The following ERCC6L2 variants were observed in gnomAD, a reference collection of about 807,000 sequenced individuals.
ERCC6L2 encodes DNA excision repair protein ERCC-6-like 2.
ERCC6L2 carries 77 observed loss-of-function variants against 132.0 expected under a neutral mutation model. The ratio of observed to expected loss-of-function variants is 0.58; its 90% CI spans 0.49 to 0.71. The LOEUF (loss-of-function observed/expected upper bound fraction) is 0.71. Ranked by LOEUF, ERCC6L2 falls within the 30% of genes least tolerant of loss-of-function variation. The pLI is 0.00. For missense variants in ERCC6L2, 1,542 were observed against 1,837.6 expected, an observed-to-expected ratio of 0.84 and a Z score of 2.94; for synonymous variants, 583 against 632.4, an observed-to-expected ratio of 0.92 and a Z score of 1.17.
intron 2 of ERCC6L2, among the ~76,000 whole-genome samples, chr9:95,893,421 T>C (rs115330473): frequency 8.8e-4 from 134 of 152,322 alleles, no homozygotes; most frequent in Middle Eastern, 3.4e-3. Flanking sequence ...TCCTGTATTA[T>C]AATGTTCTTG....
chr9:96,004,495 C>A, intron 17 of ERCC6L2, 25 bp from the exon 18 acceptor site: 1 of 1,269,278 alleles, frequency 7.9e-7, no homozygotes, highest in Non-Finnish European at 1.0e-6. Context: ...TCAGACATAG[C>A]TTTTGTTTCC....
At position 95,897,977 on chromosome 9, in the gene ERCC6L2, A is replaced by C; in HGVS notation, c.594+6A>C. ...TTTCTTCTACAGCAAAAAAGGTAAAATCTCTAGACAATGTATATTCTACTC... is the reference window on the plus strand; with the variant it reads ...TTTCTTCTACAGCAAAAAAGGTAAACTCTCTAGACAATGTATATTCTACTC... On this transcript the variant is annotated splice_donor_region_variant and intron_variant, in intron 3 of 18. Transcript: ENST00000653738. The C allele has an allele frequency of 6.2e-7, 1 of 1,602,442 alleles. No homozygotes were observed. The highest frequency in any genetic ancestry group is 8.5e-7 in the Non-Finnish European group (1 of 1,175,780).
chr9:96,030,498 C>G (rs1041759338), intron 19 of ERCC6L2, among the ~76,000 whole-genome samples: 2 of 152,078 alleles, frequency 1.3e-5, no homozygotes, highest in Non-Finnish European at 2.9e-5. Flanking sequence ...GCGATCTAGA[C>G]TATCCTGGCT....
At chr9:96,003,418 A>G (rs1044113017) in intron 17 of ERCC6L2, among the ~76,000 whole-genome samples, 9 of 152,162 alleles carry the variant, frequency 5.9e-5, no homozygotes, top group Non-Finnish European at 1.0e-4. Context: ...CGCATTCCAC[A>G]CATGGCACTG....
intron 13 of ERCC6L2, among the ~76,000 whole-genome samples, chr9:95,960,975 TC>T (rs966363407): frequency 1.3e-5 from 2 of 152,102 alleles, no homozygotes; most frequent in African/African-American, 4.8e-5. Context: ...AGGGAACACT[TC>T]CAACTTACTT....
At chr9:96,001,537 T>C (rs1184151534) in intron 17 of ERCC6L2, among the ~76,000 whole-genome samples, 1 of 152,206 alleles carries the variant, frequency 6.6e-6, no homozygotes, top group African/African-American at 2.4e-5. Context: ...AGGGTGCTGA[T>C]TGGTGTATTT....
At chr9:95,989,530 C>T (rs797021536) in intron 17 of ERCC6L2, among the ~76,000 whole-genome samples, 8 of 152,322 alleles carry the variant, frequency 5.3e-5, no homozygotes, top group African/African-American at 1.7e-4. Context: ...GAGAGCCTAT[C>T]GGGCATGAGT....
At chr9:95,919,030 G>T (rs1359180386) in intron 6 of ERCC6L2, among the ~76,000 whole-genome samples, 2 of 152,032 alleles carry the variant, frequency 1.3e-5, no homozygotes, top group Non-Finnish European at 2.9e-5. Flanking sequence ...CACCATGCCC[G>T]GTTAATTTTT....
intron 17 of ERCC6L2, among the ~76,000 whole-genome samples, chr9:95,979,798 G>T (rs576960573): frequency 6.6e-6 from 1 of 152,204 alleles, no homozygotes; most frequent in South Asian, 2.1e-4. Flanking sequence ...AAAGACAGGC[G>T]GAATTATGTT....
chr9:95,987,736 T>G (rs1033641820), intron 17 of ERCC6L2, among the ~76,000 whole-genome samples: 1 of 152,102 alleles, frequency 6.6e-6, no homozygotes, highest in African/African-American at 2.4e-5. Flanking sequence ...TTCTCACACC[T>G]CCACTAGGCA....
Position 96,032,970 on chromosome 9 carries a change from G to A in ERCC6L2, c.*1504-5906G>A, listed in dbSNP as rs918478430. On this transcript the variant is annotated intron_variant and NMD_transcript_variant, in intron 19 of 20. Transcript: ENST00000670016. ...GACTCGTTTAATCTCAAACCCAGGCGTCCAGGCTCGTGTGTCGGTGATTTA... is the reference window on the plus strand; with the variant it reads ...GACTCGTTTAATCTCAAACCCAGGCATCCAGGCTCGTGTGTCGGTGATTTA... 5.3e-5 allele frequency among the ~76,000 whole-genome samples: 8 copies of A among 152,298 alleles called. No individual in the cohort carries two copies. In the East Asian group the frequency reaches 1.4e-3, roughly 26 times the overall value.
chr9:95,941,711 A>G (rs1450273913), intron 12 of ERCC6L2, among the ~76,000 whole-genome samples, 162 bp downstream of exon 12: 1 of 152,172 alleles, frequency 6.6e-6, no homozygotes, highest in Non-Finnish European at 1.5e-5. Context: ...TCCAAATAAC[A>G]GTCCAAAAAT....
intron 6 of ERCC6L2, among the ~76,000 whole-genome samples, chr9:95,920,949 G>T (rs776934402): frequency 1.3e-5 from 2 of 152,150 alleles, no homozygotes; most frequent in Non-Finnish European, 2.9e-5. Flanking sequence ...GCTAATTTTT[G>T]TATTTTTAGT....
rs536266012 is a variant in ERCC6L2, at chr9:95,980,767, CAA to C, written c.3492+2554_3492+2555del. Reference sequence around the variant, plus strand: ...AGTTACGAGAAGAAAAGAGAATAAACAAAGAGAAAGGGAAATGAAGCAAGAAC... The same window carrying C: ...AGTTACGAGAAGAAAAGAGAATAAACAGAGAAAGGGAAATGAAGCAAGAAC... On this transcript the variant is annotated intron_variant, in intron 17 of 18. Transcript: ENST00000653738. Among the ~76,000 whole-genome samples the C allele has an allele frequency of 3.0e-3, 452 of 152,090 alleles. 1 individual carries two copies. Among genetic ancestry groups the C allele is most frequent in the Non-Finnish European group, 4.7e-3 (322 of 67,976 alleles).
At chr9:95,952,684 A>T (rs1831395620) in intron 12 of ERCC6L2, among the ~76,000 whole-genome samples, 1 of 152,110 alleles carries the variant, frequency 6.6e-6, no homozygotes, top group African/African-American at 2.4e-5. Flanking sequence ...AAAAAATATA[A>T]AAATTAGCCA....
At chr9:95,932,549 T>G (rs1395967084) in intron 11 of ERCC6L2, among the ~76,000 whole-genome samples, 1 of 152,150 alleles carries the variant, frequency 6.6e-6, no homozygotes, top group Non-Finnish European at 1.5e-5. Flanking sequence ...ATCAATGAAT[T>G]TATTAATGAG....
intron 7 of ERCC6L2, among the ~76,000 whole-genome samples, chr9:95,921,531 AAAGT>A (rs1405752332): frequency 1.3e-5 from 2 of 152,250 alleles, no homozygotes; most frequent in African/African-American, 4.8e-5. Context: ...TTAATTGCAG[AAAGT>A]AAGCTTAATT....
chr9:95,887,238 C>G (rs566717233), intron 2 of ERCC6L2, among the ~76,000 whole-genome samples: 1 of 152,282 alleles, frequency 6.6e-6, no homozygotes, highest in Non-Finnish European at 1.5e-5. Context: ...TCAAAGAAGA[C>G]TCCACAGGGA....
intron 4 of ERCC6L2, among the ~76,000 whole-genome samples, chr9:95,911,048 C>G (rs1020092555): frequency 6.6e-6 from 1 of 152,174 alleles, no homozygotes; most frequent in Non-Finnish European, 1.5e-5. Flanking sequence ...GCATGCGCCA[C>G]CATGCCTGGA....
Sources: gnomAD v4.1 joint callset for allele counts (sites outside exome capture counted in the v4.1 genomes callset) on GRCh38, gnomAD v4.1.1 for gene constraint, MANE v1.5 for transcripts, NCBI Gene and HGNC (gene_info 2026-07-23, HGNC 2026-07-21) for gene names.